The following EVI5 variants were observed in gnomAD, a reference collection of about 807,000 sequenced individuals.
EVI5 encodes ecotropic viral integration site 5, also known as ecotropic viral integration site 5 protein homolog.
A neutral mutation model predicts 112.0 loss-of-function variants in EVI5; 73 were observed. That is an observed-to-expected ratio of 0.65 (90% CI 0.54 to 0.79). EVI5 has a LOEUF of 0.79. Ranked by LOEUF, EVI5 falls within the 30% of genes least tolerant of loss-of-function variation. The probability of loss-of-function intolerance (pLI) is 0.00; values close to 1 mark genes in which losing one functional copy is unlikely to be tolerated. For synonymous variants in EVI5, 305 were observed against 319.9 expected (o/e 0.95, Z 0.50); for missense variants, 900 against 968.8 (o/e 0.93, Z 0.94).
chr1:92,713,547 G>A (rs568499848), intron 2 of EVI5, among the ~76,000 whole-genome samples: 8 of 152,096 alleles, frequency 5.3e-5, no homozygotes, highest in African/African-American at 1.7e-4. Context: ...AGGCTGAAAC[G>A]GGCCAATCGC....
chr1:92,607,288 T>A (rs1650637392), intron 17 of EVI5, among the ~76,000 whole-genome samples: 1 of 152,126 alleles, frequency 6.6e-6, no homozygotes, highest in African/African-American at 2.4e-5. Flanking sequence ...AAGCTCTGGT[T>A]TTAAAGGGTT....
chr1:92,609,030 A>G (rs1274223186), intron 16 of EVI5, among the ~76,000 whole-genome samples: 1 of 152,232 alleles, frequency 6.6e-6, no homozygotes, highest in Non-Finnish European at 1.5e-5. Context: ...TGTTTATTGT[A>G]TTATAATTAC....
At chr1:92,787,046 T>A (rs1172728385), upstream of EVI5, among the ~76,000 whole-genome samples, 1 of 152,212 alleles carries the variant, frequency 6.6e-6, no homozygotes, top group African/African-American at 2.4e-5. Context: ...TCCTTTCACA[T>A]CGCATGAAAC....
chr1:92,675,467 A>G (rs1187318626), intron 10 of EVI5, among the ~76,000 whole-genome samples: 1 of 152,192 alleles, frequency 6.6e-6, no homozygotes, highest in African/African-American at 2.4e-5. Flanking sequence ...AAGAGTAAGG[A>G]TTGTTCATAG....
chr1:92,684,563 A>T (rs776273668), intron 9 of EVI5, among the ~76,000 whole-genome samples: 9 of 152,180 alleles, frequency 5.9e-5, no homozygotes, highest in Non-Finnish European at 1.0e-4. Context: ...TATTAACCTT[A>T]AATGTAAATG....
chr1:92,548,924 A>C (rs1421432996), intron 19 of EVI5, among the ~76,000 whole-genome samples: 1 of 152,206 alleles, frequency 6.6e-6, no homozygotes, highest in East Asian at 1.9e-4. Context: ...ACACTGCCCA[A>C]GGTAATTCAT....
intron 19 of EVI5, among the ~76,000 whole-genome samples, chr1:92,554,830 A>G (rs1667447721): frequency 6.6e-6 from 1 of 151,862 alleles, no homozygotes. Flanking sequence ...AAACAAACCA[A>G]CCAACCCAGG....
At chr1:92,680,931 C>T (rs1267150695) in intron 9 of EVI5, among the ~76,000 whole-genome samples, 2 of 151,974 alleles carry the variant, frequency 1.3e-5, no homozygotes. Context: ...TTAAAGAAAA[C>T]CAAATAGGTA....
intron 1 of EVI5, among the ~76,000 whole-genome samples, chr1:92,777,798 G>A (rs1324970217): frequency 6.6e-6 from 1 of 151,946 alleles, no homozygotes; most frequent in Non-Finnish European, 1.5e-5. Context: ...ATTGTTGTTT[G>A]TTCTGTTTTT....
intron 10 of EVI5, among the ~76,000 whole-genome samples, chr1:92,666,424 G>A (rs1664897538): frequency 1.4e-5 from 2 of 146,840 alleles, no homozygotes; most frequent in African/African-American, 5.1e-5. Context: ...GTGCGAATCT[G>A]TCGTCCCAGC....
chr1:92,602,791 A>C (rs1297175603), intron 18 of EVI5, among the ~76,000 whole-genome samples: 1 of 152,158 alleles, frequency 6.6e-6, no homozygotes, highest in Non-Finnish European at 1.5e-5. Flanking sequence ...TCACTAAAAA[A>C]TGGACTTGGA....
Position 92,686,166 on chromosome 1 carries a change from G to A in EVI5, c.1097+7636C>T, listed in dbSNP as rs192366650. Reference sequence around the variant, plus strand: ...ATCCTCAATAAAATATTGGCAAACCGAATACAGCAGCACATCAAAAAGCTT... The same window carrying A: ...ATCCTCAATAAAATATTGGCAAACCAAATACAGCAGCACATCAAAAAGCTT... On this transcript the variant is annotated intron_variant, in intron 9 of 19. Coordinates refer to ENST00000684568, the MANE Select transcript of EVI5 (RefSeq NM_001350197.2). Among the ~76,000 whole-genome samples the A allele has an allele frequency of 2.2e-3, 332 of 152,208 alleles. 4 individuals carry two copies. The highest frequency in any genetic ancestry group is 0.018 in the South Asian group (85 of 4,824).
chr1:92,789,362 G>A (rs1246157790), upstream of EVI5, among the ~76,000 whole-genome samples: 2 of 151,728 alleles, frequency 1.3e-5, no homozygotes, highest in African/African-American at 2.4e-5. Flanking sequence ...GAGTGCAGTG[G>A]CAAGATCTTG....
upstream of EVI5, among the ~76,000 whole-genome samples, chr1:92,789,733 AC>A (rs533795850): frequency 5.6e-3 from 848 of 152,262 alleles, 7 homozygotes; most frequent in African/African-American, 0.02. Context: ...CAAGGGTTAA[AC>A]CCTGGAACAC....
At chr1:92,710,468 C>T (rs954666464) in intron 2 of EVI5, among the ~76,000 whole-genome samples, 3 of 152,154 alleles carry the variant, frequency 2.0e-5, no homozygotes, top group Non-Finnish European at 4.4e-5. Flanking sequence ...AGAATACTGT[C>T]CAAGCAGGAA....
chr1:92,519,615 G>A lies in EVI5; in HGVS notation c.2167-5645C>T, dbSNP rs138302927. 2.8e-3 allele frequency among the ~76,000 whole-genome samples: 430 copies of A among 152,220 alleles called. 10 individuals carry two copies. The highest frequency in any genetic ancestry group is 1.0e-2 in the African/African-American group (415 of 41,554). ...GAACTTCAAAAATATTAAGTTGGCC[G>A]GGTGCAGTGGCTCATGACTGTAATC... On this transcript the variant is annotated intron_variant, in intron 19 of 19. Coordinates refer to ENST00000684568, the MANE Select transcript of EVI5 (RefSeq NM_001350197.2).
chr1:92,661,370 A>G (rs1663976997), intron 13 of EVI5, among the ~76,000 whole-genome samples: 1 of 152,138 alleles, frequency 6.6e-6, no homozygotes. Context: ...ACTATAAACC[A>G]GCATTCTATC....
chr1:92,609,337 C>T (rs910398854), intron 16 of EVI5, among the ~76,000 whole-genome samples: 1 of 152,180 alleles, frequency 6.6e-6, no homozygotes, highest in East Asian at 1.9e-4. Flanking sequence ...CAGTCTCACA[C>T]AATCATGTCA....
At chr1:92,545,887 G>T (rs1665606316) in intron 19 of EVI5, among the ~76,000 whole-genome samples, 1 of 151,370 alleles carries the variant, frequency 6.6e-6, no homozygotes, top group African/African-American at 2.4e-5. Flanking sequence ...CTGCATATAC[G>T]CCTCTCTGCT....
Sources: allele counts gnomAD v4.1 joint callset (sites outside exome capture counted in the v4.1 genomes callset), GRCh38; gene constraint gnomAD v4.1.1; transcripts MANE v1.5; gene names NCBI Gene and HGNC (gene_info 2026-07-23, HGNC 2026-07-21).